KCNMA1: variants seen among roughly 807,000 people sequenced by gnomAD.
KCNMA1 encodes Calcium-activated potassium channel subunit alpha-1.
A neutral mutation model predicts 140.0 loss-of-function variants in KCNMA1; 29 were observed. The ratio of observed to expected loss-of-function variants is 0.21; its 90% CI spans 0.15 to 0.28. The LOEUF (loss-of-function observed/expected upper bound fraction) is 0.28. Among genes scored for constraint, KCNMA1 ranks in the 10% least tolerant of loss-of-function variants. The pLI, the probability that KCNMA1 is intolerant of heterozygous loss-of-function variation, is 1.00. For synonymous variants in KCNMA1, 612 were observed against 611.9 expected (o/e 1.00, Z 0.00); for missense variants, 880 against 1,602.2 (o/e 0.55, Z 7.70).
chr10:76,984,026 C>G (rs1305142958), intron 19 of KCNMA1, among the ~76,000 whole-genome samples: 1 of 151,996 alleles, frequency 6.6e-6, no homozygotes, highest in African/African-American at 2.4e-5. Flanking sequence ...ATTTATGATG[C>G]CCTAGTTGAT....
At chr10:77,529,726 T>C (rs2057077425) in intron 1 of KCNMA1, among the ~76,000 whole-genome samples, 1 of 152,000 alleles carries the variant, frequency 6.6e-6, no homozygotes, top group African/African-American at 2.4e-5. Context: ...CCAGAACCTC[T>C]CCAGGGAAAA....
At chr10:77,432,949 A>C (rs1455867481) in intron 1 of KCNMA1, among the ~76,000 whole-genome samples, 1 of 152,090 alleles carries the variant, frequency 6.6e-6, no homozygotes, top group African/African-American at 2.4e-5. Flanking sequence ...GATGGAGTAG[A>C]GATTAGGGAG....
intron 2 of KCNMA1, among the ~76,000 whole-genome samples, chr10:77,254,627 C>T (rs1373484084): frequency 6.6e-6 from 1 of 152,202 alleles, no homozygotes; most frequent in Non-Finnish European, 1.5e-5. Flanking sequence ...ATAAAATGAA[C>T]TATTGCCTAG....
chr10:77,296,351 C>T (rs990254267), intron 2 of KCNMA1, among the ~76,000 whole-genome samples: 1 of 152,148 alleles, frequency 6.6e-6, no homozygotes, highest in Non-Finnish European at 1.5e-5. Flanking sequence ...CAGAGCCAGC[C>T]TCCAGTCCTG....
intron 9 of KCNMA1, among the ~76,000 whole-genome samples, chr10:77,102,366 C>T (rs1355562970): frequency 1.3e-5 from 2 of 152,114 alleles, no homozygotes; most frequent in Non-Finnish European, 2.9e-5. Context: ...GACAGCCAGG[C>T]AGGAGGGAAT....
At chr10:77,492,019 G>A (rs898426442) in intron 1 of KCNMA1, among the ~76,000 whole-genome samples, 2 of 152,226 alleles carry the variant, frequency 1.3e-5, no homozygotes, top group South Asian at 4.1e-4. Flanking sequence ...ACGCCCTGCC[G>A]GTCCCGCCTC....
chr10:76,876,339 T>A (rs2032374902), downstream of KCNMA1: 1 of 152,636 alleles, frequency 6.6e-6, no homozygotes, highest in South Asian at 2.1e-4. Flanking sequence ...GAGACCTTGA[T>A]GATCATATCA....
intron 1 of KCNMA1, among the ~76,000 whole-genome samples, chr10:77,598,020 G>A (rs1005737421): frequency 1.3e-5 from 2 of 152,164 alleles, no homozygotes; most frequent in Non-Finnish European, 2.9e-5. Flanking sequence ...CACCCAGGCT[G>A]GAGTGCAGTG....
chr10:77,100,921 G>A (rs1186402572), intron 9 of KCNMA1, among the ~76,000 whole-genome samples: 2 of 151,806 alleles, frequency 1.3e-5, no homozygotes, highest in Non-Finnish European at 1.5e-5. Flanking sequence ...TTTTTTTAAG[G>A]TACACAGTTC....
intron 1 of KCNMA1, among the ~76,000 whole-genome samples, chr10:77,632,713 C>T (rs1179260455): frequency 2.0e-5 from 3 of 152,182 alleles, no homozygotes; most frequent in Non-Finnish European, 2.9e-5. Flanking sequence ...TTATAGTCTG[C>T]GCCCTTCAGG....
intron 1 of KCNMA1, among the ~76,000 whole-genome samples, chr10:77,543,196 T>C (rs1273624402): frequency 6.6e-6 from 1 of 152,108 alleles, no homozygotes; most frequent in African/African-American, 2.4e-5. Context: ...TTTAACAAAG[T>C]CATGCAAGAG....
intron 1 of KCNMA1, among the ~76,000 whole-genome samples, chr10:77,512,104 A>G (rs2048623290): frequency 6.6e-6 from 1 of 152,234 alleles, no homozygotes; most frequent in Non-Finnish European, 1.5e-5. Flanking sequence ...CTTGGGTCAT[A>G]TATCCTGGGC....
intron 3 of KCNMA1, among the ~76,000 whole-genome samples, chr10:77,223,079 C>T (rs1426769482): frequency 4.0e-5 from 6 of 151,838 alleles, no homozygotes; most frequent in African/African-American, 1.2e-4. Flanking sequence ...AATACAAAAA[C>T]TTAACCGGGC....
intron 19 of KCNMA1, among the ~76,000 whole-genome samples, chr10:76,973,529 T>A (rs1044640381): frequency 3.3e-5 from 5 of 152,346 alleles, no homozygotes; most frequent in African/African-American, 1.2e-4. Context: ...TGTTTGCTTA[T>A]ACTTGACTAA....
intron 2 of KCNMA1, among the ~76,000 whole-genome samples, chr10:77,260,767 A>G (rs1600369616): frequency 6.6e-6 from 1 of 152,296 alleles, no homozygotes; most frequent in African/African-American, 2.4e-5. Flanking sequence ...CTCCAGAGAG[A>G]GGAGTGAGGG....
intron 2 of KCNMA1, among the ~76,000 whole-genome samples, chr10:77,328,246 T>C (rs10824527): frequency 0.26 from 39,767 of 152,160 alleles, 6,531 homozygotes; most frequent in Non-Finnish European, 0.38. Context: ...ATGTTATCAT[T>C]ATCATTTAAT....
At chr10:77,165,803 G>T (rs2098634912) in intron 5 of KCNMA1, among the ~76,000 whole-genome samples, 1 of 152,208 alleles carries the variant, frequency 6.6e-6, no homozygotes, top group African/African-American at 2.4e-5. Context: ...TCTTATAAGA[G>T]TTATTTTCTG....
intron 1 of KCNMA1, among the ~76,000 whole-genome samples, chr10:77,537,422 G>T (rs897738437): frequency 3.3e-5 from 5 of 152,110 alleles, no homozygotes; most frequent in African/African-American, 1.2e-4. Flanking sequence ...CCCACCCAGG[G>T]CCCACCTTCC....
rs1448324613 is a variant in KCNMA1, at chr10:77,582,836, A to G, written c.378+54429T>C. 2.6e-5 allele frequency among the ~76,000 whole-genome samples: 4 copies of G among 152,358 alleles called. No individual in the cohort carries two copies. The East Asian group carries it at 7.7e-4, about 29-fold the overall frequency. On this transcript the variant is annotated intron_variant, in intron 1 of 27. Coordinates refer to ENST00000286628, the MANE Select transcript of KCNMA1 (RefSeq NM_001161352.2). ...TATTTGCTTCCAGATAAGACTGTTT[A>G]GTAGACATGCAACTGCTTAGCTATG...
Sources: gnomAD v4.1 joint callset for allele counts (sites outside exome capture counted in the v4.1 genomes callset) on GRCh38, gnomAD v4.1.1 for gene constraint, MANE v1.5 for transcripts, NCBI Gene and HGNC (gene_info 2026-07-23, HGNC 2026-07-21) for gene names.